Variants in RYR2 observed in about 807,000 individuals in gnomAD.
RYR2 encodes the protein ryanodine receptor 2, also known as cardiac muscle ryanodine receptor-calcium release channel.
In RYR2, 227 loss-of-function variants were observed where a neutral mutation model predicts 601.1. That is an observed-to-expected ratio of 0.38 (90% confidence interval 0.34 to 0.42). RYR2 has a LOEUF of 0.42. Ranked by LOEUF, RYR2 falls within the 10% of genes least tolerant of loss-of-function variation. The pLI is 1.00. For synonymous variants in RYR2, 2,223 were observed against 2,175.1 expected (o/e 1.02, Z -0.61); for missense variants, 4,646 against 6,156.5 (o/e 0.75, Z 8.21).
chr1:237,323,918 T>C (rs1189946144), intron 2 of RYR2, among the ~76,000 whole-genome samples: 1 of 152,156 alleles, frequency 6.6e-6, no homozygotes, highest in Non-Finnish European at 1.5e-5. Flanking sequence ...CCTGAACGAA[T>C]GAGTTGACAC....
At chr1:237,140,679 T>C (rs1445627243) in intron 1 of RYR2, among the ~76,000 whole-genome samples, 1 of 152,212 alleles carries the variant, frequency 6.6e-6, no homozygotes, top group Non-Finnish European at 1.5e-5. Flanking sequence ...TGAGATAATT[T>C]TAGGAATTTG....
At chr1:237,626,507 T>C (rs943442414) in intron 40 of RYR2, among the ~76,000 whole-genome samples, 2 of 148,160 alleles carry the variant, frequency 1.3e-5, no homozygotes, top group Non-Finnish European at 3.0e-5. Flanking sequence ...AGTGTCACAA[T>C]CACAAATTTG....
chr1:237,487,469 G>A (rs1212935472), intron 17 of RYR2, among the ~76,000 whole-genome samples: 1 of 149,012 alleles, frequency 6.7e-6, no homozygotes, highest in Non-Finnish European at 1.5e-5. Context: ...TATAATTTCA[G>A]CACTTTGGGA....
chr1:237,383,681 G>A (rs1446464297), intron 8 of RYR2, among the ~76,000 whole-genome samples: 3 of 151,834 alleles, frequency 2.0e-5, no homozygotes, highest in African/African-American at 4.8e-5. Context: ...TGCCCGCCTT[G>A]GCCTCCCAAA....
At chr1:237,364,449 C>A in intron 5 of RYR2, 77 bp downstream of exon 5, 3 of 734,118 alleles carry the variant, frequency 4.1e-6, no homozygotes, top group Admixed American at 3.0e-5. Flanking sequence ...ATGTATGTAT[C>A]TGCATATTAG....
chr1:237,667,669 C>T (rs1412503908), intron 57 of RYR2, among the ~76,000 whole-genome samples: 1 of 152,118 alleles, frequency 6.6e-6, no homozygotes, highest in Non-Finnish European at 1.5e-5. Context: ...TAACAATGAC[C>T]ATTTTCATTT....
chr1:237,600,942 G>C (rs971207151), intron 34 of RYR2, among the ~76,000 whole-genome samples: 1 of 152,088 alleles, frequency 6.6e-6, no homozygotes. Flanking sequence ...AAGATAATAA[G>C]CATTGGCAAG....
chr1:237,208,926 A>C (rs1682125762), intron 1 of RYR2, among the ~76,000 whole-genome samples: 1 of 87,356 alleles, frequency 1.1e-5, no homozygotes. Flanking sequence ...GTACAACCAA[A>C]TGTGTGTGTG....
intron 1 of RYR2, among the ~76,000 whole-genome samples, chr1:237,210,332 A>G (rs1682436277): frequency 6.6e-6 from 1 of 152,114 alleles, no homozygotes; most frequent in African/African-American, 2.4e-5. Flanking sequence ...CTTAGATGCT[A>G]TTTTACCCCA....
intron 1 of RYR2, among the ~76,000 whole-genome samples, chr1:237,239,119 ATATT>A (rs1301403364): frequency 6.6e-6 from 1 of 152,178 alleles, no homozygotes; most frequent in Non-Finnish European, 1.5e-5. Context: ...CTATATATGC[ATATT>A]TATATATGTG....
At chr1:237,443,793 G>T (rs946779729) in intron 13 of RYR2, among the ~76,000 whole-genome samples, 1 of 151,984 alleles carries the variant, frequency 6.6e-6, no homozygotes, top group Non-Finnish European at 1.5e-5. Context: ...TGGGCTATAC[G>T]GAAACAGGTG....
intron 22 of RYR2, among the ~76,000 whole-genome samples, chr1:237,505,043 T>G (rs1224327035): frequency 6.6e-6 from 1 of 152,236 alleles, no homozygotes; most frequent in Non-Finnish European, 1.5e-5. Flanking sequence ...TACGCTTATT[T>G]GGAAGATATT....
At chr1:237,654,671 C>T (rs988737607) in intron 52 of RYR2, among the ~76,000 whole-genome samples, 2 of 152,170 alleles carry the variant, frequency 1.3e-5, no homozygotes, top group African/African-American at 2.4e-5. Context: ...GGAAATTATG[C>T]ACAAGGTTGA....
chr1:237,638,121 T>C (rs1681066952), intron 44 of RYR2, among the ~76,000 whole-genome samples: 1 of 151,942 alleles, frequency 6.6e-6, no homozygotes, highest in Non-Finnish European at 1.5e-5. Flanking sequence ...AAAAAGCTTA[T>C]AGTAGGATCA....
At chr1:237,223,010 G>A (rs985611691) in intron 1 of RYR2, among the ~76,000 whole-genome samples, 6 of 151,972 alleles carry the variant, frequency 3.9e-5, no homozygotes, top group African/African-American at 9.7e-5. Context: ...CGGAGGTTGC[G>A]GTGAGCCAAG....
Position 237,207,561 on chromosome 1 carries a change from T to A in RYR2, c.49-62936T>A, listed in dbSNP as rs1045608402. Among the ~76,000 whole-genome samples the A allele has an allele frequency of 1.3e-5, 2 of 152,300 alleles. 1 individual carries two copies. The highest frequency in any genetic ancestry group is 6.8e-3 in the Middle Eastern group (2 of 294). ...AGCCTGGGCGACAGAGCAGGAGGCT[T>A]CATGCAGCCTTCATCTTCTTTTGCC... On this transcript the variant is annotated intron_variant, in intron 1 of 104. Transcript: ENST00000366574.
At chr1:237,199,366 C>T (rs914281924) in intron 1 of RYR2, among the ~76,000 whole-genome samples, 4 of 152,222 alleles carry the variant, frequency 2.6e-5, no homozygotes, top group African/African-American at 9.6e-5. Context: ...TGGCCGAAGG[C>T]CCAAGAGCCC....
chr1:237,174,652 T>C (rs1181372692), intron 1 of RYR2, among the ~76,000 whole-genome samples: 4 of 152,168 alleles, frequency 2.6e-5, no homozygotes, highest in South Asian at 2.1e-4. Flanking sequence ...GATTTGCCAA[T>C]CTCATGTTCT....
chr1:237,299,138 TC>T (rs1693101547), intron 2 of RYR2, among the ~76,000 whole-genome samples: 3 of 138,696 alleles, frequency 2.2e-5, no homozygotes, highest in South Asian at 2.3e-4. Flanking sequence ...TTTTTTTTTT[TC>T]ATTTCATTTC....
Sources: gnomAD v4.1 joint callset for allele counts (sites outside exome capture counted in the v4.1 genomes callset) on GRCh38, gnomAD v4.1.1 for gene constraint, MANE v1.5 for transcripts, NCBI Gene and HGNC (gene_info 2026-07-23, HGNC 2026-07-21) for gene names.